Variants in TEK observed in about 807,000 individuals in gnomAD.
The protein encoded by TEK is angiopoietin-1 receptor.
In TEK, 43 loss-of-function variants were observed where a neutral mutation model predicts 131.8. That is an observed-to-expected ratio of 0.33 (90% CI 0.26 to 0.42). The LOEUF (loss-of-function observed/expected upper bound fraction) is 0.42. Ranked by LOEUF, TEK falls within the 10% of genes least tolerant of loss-of-function variation. The pLI is 1.00. For synonymous variants in TEK, 580 were observed against 491.6 expected (o/e 1.18, Z -2.38); for missense variants, 1,162 against 1,384.4 (o/e 0.84, Z 2.55).
chr9:27,158,087 A>G lies in TEK; in HGVS notation c.309A>G (p.Glu103=). 3 of 1,614,190 alleles carry G rather than the reference A, an allele frequency of 1.9e-6. No homozygotes were observed. Among genetic ancestry groups the G allele is most frequent in the Non-Finnish European group, 2.5e-6 (3 of 1,180,018 alleles). Reference sequence around the variant, plus strand: ...AGATCAATGGTGCTTATTTCTGTGAAGGGCGAGTTCGAGGAGAGGCAATCA... The same window carrying G: ...AGATCAATGGTGCTTATTTCTGTGAGGGGCGAGTTCGAGGAGAGGCAATCA... ...ASKINGAYFC[E]GRVRGEAIRI... The change falls in exon 2 of 23, where the codon GAA becomes GAG. Residue 103 remains glutamate (E), a synonymous_variant. Transcript: ENST00000380036.
At chr9:27,228,376 C>G (rs1002932302) in intron 22 of TEK, 71 bp downstream of exon 22, 9 of 1,220,774 alleles carry the variant, frequency 7.4e-6, no homozygotes, top group Non-Finnish European at 1.1e-5. Flanking sequence ...TCATAAAAAA[C>G]ATTGAAATAA....
intron 1 of TEK, among the ~76,000 whole-genome samples, chr9:27,151,401 A>G (rs554706452): frequency 7.9e-5 from 12 of 152,324 alleles, no homozygotes; most frequent in African/African-American, 2.9e-4. Context: ...AGATAGAGAA[A>G]GAACATTCTA....
At chr9:27,134,271 G>C (rs1190395133) in intron 1 of TEK, among the ~76,000 whole-genome samples, 1 of 152,154 alleles carries the variant, frequency 6.6e-6, no homozygotes, top group East Asian at 1.9e-4. Flanking sequence ...TTGGATTAGA[G>C]AGTTAACATC....
intron 1 of TEK, among the ~76,000 whole-genome samples, chr9:27,150,626 T>C (rs1823089416): frequency 6.6e-6 from 1 of 152,076 alleles, no homozygotes; most frequent in Non-Finnish European, 1.5e-5. Flanking sequence ...AAATAAGGTG[T>C]GAGGCTTGCA....
intron 1 of TEK, among the ~76,000 whole-genome samples, chr9:27,144,485 A>G (rs17756667): frequency 0.12 from 18,977 of 152,244 alleles, 1,501 homozygotes; most frequent in Middle Eastern, 0.26. Flanking sequence ...ACGAATGCGC[A>G]TAGGCCTCCG....
chr9:27,117,498 C>T (rs913316176), intron 1 of TEK, among the ~76,000 whole-genome samples: 2 of 152,214 alleles, frequency 1.3e-5, no homozygotes, highest in African/African-American at 4.8e-5. Context: ...CCATTGTCCC[C>T]TTGTGTGCCT....
intron 22 of TEK, 70 bp from the exon 23 acceptor site, chr9:27,229,088 T>C: frequency 7.1e-7 from 1 of 1,408,734 alleles, no homozygotes; most frequent in Non-Finnish European, 1.0e-6. Flanking sequence ...ACCAAGGTAT[T>C]GCTGTAACTG....
Position 27,213,468 on chromosome 9 carries a change from T to A in TEK, c.2878-16T>A, listed in dbSNP as rs930967482. 6.2e-7 allele frequency: 1 copy of A among 1,600,780 alleles called. No homozygotes were observed. The highest frequency in any genetic ancestry group is 8.6e-7 in the Non-Finnish European group (1 of 1,168,086). ...TTCATTAGGCTGAAAATACATAATGTTTTCAAAAATTTCAGTTTATCCACA... is the reference window on the plus strand; with the variant it reads ...TTCATTAGGCTGAAAATACATAATGATTTCAAAAATTTCAGTTTATCCACA... On this transcript the variant is annotated splice_polypyrimidine_tract_variant and intron_variant, in intron 17 of 22. Transcript: ENST00000380036.
At chr9:27,197,969 A>G (rs931856492) in intron 12 of TEK, among the ~76,000 whole-genome samples, 12 of 152,334 alleles carry the variant, frequency 7.9e-5, no homozygotes, top group African/African-American at 2.6e-4. Context: ...TTACCTAACC[A>G]TAAAAACCAA....
intron 2 of TEK, 85 bp from the exon 3 acceptor site, chr9:27,168,410 C>T (rs1346633847): frequency 9.5e-7 from 1 of 1,053,176 alleles, no homozygotes; most frequent in East Asian, 2.4e-5. Context: ...AGTGCCAGCC[C>T]TCATTTTCTG....
intron 21 of TEK, among the ~76,000 whole-genome samples, chr9:27,224,153 C>G (rs1032013621): frequency 2.6e-5 from 4 of 152,116 alleles, no homozygotes; most frequent in Non-Finnish European, 5.9e-5. Flanking sequence ...CAGGACCAGA[C>G]GGATCCACAG....
chr9:27,193,825 G>A lies in TEK; in HGVS notation c.1624+1202G>A, dbSNP rs1824913802. 2.0e-5 allele frequency among the ~76,000 whole-genome samples: 3 copies of A among 152,232 alleles called. No individual in the cohort carries two copies. The South Asian group carries it at 6.2e-4, about 32-fold the overall frequency. ...GGGCTTCATATCTTTGTCTTTTAGAGCCAGGATCTTGCTCTGTCACTCAAG... is the reference window on the plus strand; with the variant it reads ...GGGCTTCATATCTTTGTCTTTTAGAACCAGGATCTTGCTCTGTCACTCAAG... On this transcript the variant is annotated intron_variant, in intron 11 of 22. Coordinates refer to ENST00000380036, the MANE Select transcript of TEK (RefSeq NM_000459.5).
chr9:27,174,994 A>ATTC (rs982919554), intron 6 of TEK, among the ~76,000 whole-genome samples: 1 of 149,678 alleles, frequency 6.7e-6, no homozygotes, highest in Non-Finnish European at 1.5e-5. Flanking sequence ...TATTATTATT[A>ATTC]TTATTATTAT....
chr9:27,161,078 A>G (rs1482368894), intron 2 of TEK, among the ~76,000 whole-genome samples: 1 of 152,232 alleles, frequency 6.6e-6, no homozygotes, highest in African/African-American at 2.4e-5. Flanking sequence ...GACAATGTAT[A>G]AATAAGAACA....
At chr9:27,154,002 C>G (rs1388454296) in intron 1 of TEK, among the ~76,000 whole-genome samples, 3 of 151,788 alleles carry the variant, frequency 2.0e-5, no homozygotes, top group Non-Finnish European at 4.4e-5. Context: ...ATTATTAGTT[C>G]AAAGAAGAGA....
intron 11 of TEK, among the ~76,000 whole-genome samples, 156 bp from the exon 12 acceptor site, chr9:27,197,159 C>G (rs2131196607): frequency 6.6e-6 from 1 of 152,150 alleles, no homozygotes; most frequent in Non-Finnish European, 1.5e-5. Context: ...TGGTACTAAA[C>G]CATTCATGGG....
At chr9:27,226,451 A>T (rs897817109) in intron 21 of TEK, among the ~76,000 whole-genome samples, 15 of 152,198 alleles carry the variant, frequency 9.9e-5, no homozygotes, top group Non-Finnish European at 2.2e-4. Flanking sequence ...TGAAGCTGGA[A>T]ACCAACATTC....
At chr9:27,152,309 AT>A (rs112649878) in intron 1 of TEK, among the ~76,000 whole-genome samples, 277 of 152,198 alleles carry the variant, frequency 1.8e-3, no homozygotes, top group African/African-American at 6.3e-3. Flanking sequence ...CAATAATTTA[AT>A]CTGCCTAAAA....
intron 1 of TEK, among the ~76,000 whole-genome samples, chr9:27,121,979 A>G (rs1263105050): frequency 1.3e-5 from 2 of 152,222 alleles, no homozygotes; most frequent in African/African-American, 4.8e-5. Context: ...ACGGATTCTA[A>G]TTTTGTTTCT....
Sources: gnomAD v4.1 joint callset for allele counts (sites outside exome capture counted in the v4.1 genomes callset) on GRCh38, gnomAD v4.1.1 for gene constraint, MANE v1.5 for transcripts, NCBI Gene and HGNC (gene_info 2026-07-23, HGNC 2026-07-21) for gene names.